AIFM2: variants seen among roughly 807,000 people sequenced by gnomAD.
AIFM2 encodes AIF family member 2, ferroptosis suppressor.
In AIFM2, 38 loss-of-function variants were observed where a neutral mutation model predicts 35.7. The ratio of observed to expected loss-of-function variants is 1.06; its 90% CI spans 0.82 to 1.39. The LOEUF is 1.39. Among genes scored for constraint, AIFM2 ranks in the 40% most tolerant of loss-of-function variants. The pLI is 0.00. For synonymous variants in AIFM2, 185 were observed against 203.5 expected, an observed-to-expected ratio of 0.91 and a Z score of 0.77; for missense variants, 476 against 491.2, an observed-to-expected ratio of 0.97 and a Z score of 0.29.
At position 70,115,138 on chromosome 10, in the gene AIFM2, A is replaced by G. The variant is rs1359238527; in HGVS notation, c.770-18T>C. ...TCTGCTCTCTGCCAGAAGAAATGAC[A>G]CCGAAACCAAGACACTGAGCTGCTG... On this transcript the variant is annotated intron_variant, in intron 7 of 8. Coordinates refer to ENST00000307864, the MANE Select transcript of AIFM2 (RefSeq NM_032797.6). 6.2e-7 allele frequency: 1 copy of G among 1,612,178 alleles called. No homozygotes were observed. The highest frequency in any genetic ancestry group is 1.7e-5 in the Admixed American group (1 of 59,812).
rs1318680401 is a variant in AIFM2 at position 70,114,034 on chromosome 10, T to C, written c.*144A>G. 2 of 1,099,288 alleles carry C rather than the reference T, an allele frequency of 1.8e-6. No homozygotes were observed. Among genetic ancestry groups the C allele is most frequent in the Non-Finnish European group, 2.5e-6 (2 of 792,804 alleles). The allele number at this position is 1,099,288 out of a possible 1,614,324, so 68.1% of individuals were successfully genotyped here. ...CTCTCTCTCTCCCATTTTTGTTTTA[T>C]ACAAGTTGCATTTCTAGCCACCACA... is the stretch of plus-strand genomic sequence containing the variant. On this transcript the variant is annotated 3_prime_UTR_variant, in exon 9 of 9. Coordinates refer to ENST00000307864, the MANE Select transcript of AIFM2 (RefSeq NM_032797.6).
At chr10:70,119,507 G>A (rs2072474379) in intron 5 of AIFM2, among the ~76,000 whole-genome samples, 2 of 152,312 alleles carry the variant, frequency 1.3e-5, no homozygotes, top group Non-Finnish European at 2.9e-5. Context: ...GAATTGGTCA[G>A]TGGGGGAAAA....
intron 6 of AIFM2, among the ~76,000 whole-genome samples, chr10:70,116,975 G>C (rs1270394001): frequency 6.6e-6 from 1 of 152,226 alleles, no homozygotes; most frequent in East Asian, 1.9e-4. Context: ...GCCCCGAGGG[G>C]TCCCTCTGGA....
In AIFM2 at chr10:70,114,389, C is replaced by T. The variant is rs1001188917; in HGVS notation, c.971-60G>A. ...ACTGAACCGCCTGGGGCTGCACCTC[C>T]CAGAGTGCCGATCCTTCCCGAGGCC... is the stretch of plus-strand genomic sequence containing the variant. On this transcript the variant is annotated intron_variant, in intron 8 of 8. Transcript: ENST00000307864. 8.1e-6 allele frequency: 13 copies of T among 1,603,670 alleles called. No individual in the cohort carries two copies. The African/African-American group carries it at 1.5e-4, about 18-fold the overall frequency.
At chr10:70,124,464 G>A (rs914055265) in intron 1 of AIFM2, among the ~76,000 whole-genome samples, 1 of 152,220 alleles carries the variant, frequency 6.6e-6, no homozygotes, top group Non-Finnish European at 1.5e-5. Context: ...AGACTTTTGG[G>A]AGAGATTGCA....
chr10:70,129,353 C>T (rs537276353), intron 1 of AIFM2, among the ~76,000 whole-genome samples: 110 of 151,884 alleles, frequency 7.2e-4, no homozygotes, highest in Non-Finnish European at 1.0e-3. Context: ...ACAGCAGCCA[C>T]GTTTTATATA....
chr10:70,127,960 A>T (rs1348470879), intron 1 of AIFM2, among the ~76,000 whole-genome samples: 1 of 152,206 alleles, frequency 6.6e-6, no homozygotes, highest in Non-Finnish European at 1.5e-5. Context: ...ACTCTCCAGC[A>T]GATTTCACCC....
rs967380337 is a variant in AIFM2, at chr10:70,120,379, A to G, written c.507+128T>C. ...AATCACACCTTGGCACAAAACAGAA[A>G]TACACACTCCCAGTTTATGTGAATA... On this transcript the variant is annotated intron_variant, in intron 5 of 8. Transcript: ENST00000307864. The G allele has an allele frequency of 7.3e-6, 7 of 965,000 alleles. No homozygotes were observed. In the African/African-American group the frequency reaches 9.7e-5, roughly 13 times the overall value. The allele number at this position is 965,000 out of a possible 1,614,324, so 59.8% of individuals were successfully genotyped here. A position where few individuals can be genotyped will look rare whatever the true frequency, so the allele number is the denominator to read the frequency against.
Position 70,115,090 on chromosome 10 carries a change from C to G in AIFM2, c.800G>C (p.Arg267Thr). The G allele has an allele frequency of 6.2e-7, 1 of 1,613,968 alleles. No individual in the cohort carries two copies. The highest frequency in any genetic ancestry group is 8.5e-7 in the Non-Finnish European group (1 of 1,179,910). The part of the protein sequence containing the change: ...ESRLASSGAL[R>T]VNEHLQVEGH... ...CTCCACCTGGAGGTGCTCGTTCACT[C>G]TCAGAGCACCACTGCTGGCTAGTCT... The change falls in exon 8 of 9, where the codon AGA (arginine) becomes ACA (threonine). Residue 267 changes from arginine to threonine, a missense_variant. Physicochemically the swap from Arg to Thr is moderately conservative, Grantham distance 71. Transcript: ENST00000307864.
At chr10:70,130,460 A>G (rs185241795) in intron 1 of AIFM2, among the ~76,000 whole-genome samples, 10 of 152,272 alleles carry the variant, frequency 6.6e-5, no homozygotes, top group Admixed American at 5.9e-4. Context: ...TCATGTTTTC[A>G]AGGTTCATCC....
intron 5 of AIFM2, 105 bp from the exon 6 acceptor site, chr10:70,118,025 G>C: frequency 1.3e-6 from 1 of 779,008 alleles, no homozygotes; most frequent in Non-Finnish European, 2.1e-6. Flanking sequence ...TTACAGATGA[G>C]GAAACTGAAG....
intron 4 of AIFM2, 64 bp from the exon 5 acceptor site, chr10:70,120,663 C>G: frequency 6.4e-7 from 1 of 1,571,800 alleles, no homozygotes; most frequent in South Asian, 1.1e-5. Context: ...CCTCTGTCTG[C>G]TGGTTCAGCC....
intron 5 of AIFM2, chr10:70,118,233 A>G: frequency 3.6e-6 from 1 of 278,848 alleles, no homozygotes; most frequent in Non-Finnish European, 6.7e-6. Context: ...TTGGGCACTT[A>G]TAATTATACA....
intron 3 of AIFM2, among the ~76,000 whole-genome samples, chr10:70,122,435 C>T (rs756218087): frequency 3.3e-5 from 5 of 152,340 alleles, no homozygotes; most frequent in Admixed American, 6.5e-5. Flanking sequence ...CTTTTGTCAA[C>T]GCCCCCTTAG....
intron 5 of AIFM2, 144 bp downstream of exon 5, chr10:70,120,363 T>A: frequency 1.1e-6 from 1 of 872,848 alleles, no homozygotes. Flanking sequence ...GAATCACACC[T>A]TGGCACAAAA....
chr10:70,121,066 C>T (rs1245434794), intron 4 of AIFM2, 26 bp downstream of exon 4: 1 of 1,605,086 alleles, frequency 6.2e-7, no homozygotes, highest in South Asian at 1.1e-5. Context: ...GCCCACACTG[C>T]CCCATGCCTT....
At position 70,117,570 on chromosome 10, in the gene AIFM2, G is replaced by A. The variant is rs546669773; in HGVS notation, c.616+242C>T. On this transcript the variant is annotated intron_variant, in intron 6 of 8. Coordinates refer to ENST00000307864, the MANE Select transcript of AIFM2 (RefSeq NM_032797.6). This position sits in a 1 kb window ranked among gnomAD's most constrained non-coding sequence, Gnocchi z 4.7. Reference sequence around the variant, plus strand: ...GCAATAACCAGGACATGGAAATCCCGTAAGTACCAGGCCCTCTTCCCTGCC... The same window carrying A: ...GCAATAACCAGGACATGGAAATCCCATAAGTACCAGGCCCTCTTCCCTGCC... Among the ~76,000 whole-genome samples, 2 of 152,314 alleles carry A rather than the reference G, an allele frequency of 1.3e-5. No individual in the cohort carries two copies. The highest frequency in any genetic ancestry group is 1.9e-4 in the East Asian group (1 of 5,184).
rs267602561 is a variant in AIFM2, at chr10:70,115,029, G to A, written c.861C>T (p.Ala287=). The part of the protein sequence containing the change: ...HSNVYAIGDC[A]DVRTPKMAYL... ...AGGCCATCTTGGGCGTCCTCACGTC[G>A]GCACAGTCACCAATGGCGTAGACGT... Residue 287 remains alanine (A), a synonymous_variant, in exon 8 of 9, where the codon GCC becomes GCT. Transcript: ENST00000307864. The A allele has an allele frequency of 2.6e-5, 42 of 1,614,040 alleles. No homozygotes were observed. The highest frequency in any genetic ancestry group is 4.4e-5 in the South Asian group (4 of 91,080).
intron 5 of AIFM2, among the ~76,000 whole-genome samples, chr10:70,119,987 C>A (rs1418181468): frequency 6.6e-6 from 1 of 152,224 alleles, no homozygotes; most frequent in South Asian, 2.1e-4. Flanking sequence ...TCAGTCATTG[C>A]CCAGCGTGGG....
Sources: gnomAD v4.1 joint callset for allele counts (sites outside exome capture counted in the v4.1 genomes callset) on GRCh38, gnomAD v4.1.1 for gene constraint, Gnocchi (gnomAD v3.1) non-coding constraint, MANE v1.5 for transcripts, NCBI Gene and HGNC (gene_info 2026-07-23, HGNC 2026-07-21) for gene names.